ARID1B: variants seen among roughly 807,000 people sequenced by gnomAD.
ARID1B encodes the protein AT-rich interactive domain-containing protein 1B.
Under a neutral mutation model 212.3 loss-of-function variants are expected in ARID1B, and 30 were observed. The observed-to-expected ratio is 0.14, with a 90% CI of 0.11 to 0.19. The LOEUF (loss-of-function observed/expected upper bound fraction) is 0.19. Ranked by LOEUF, ARID1B falls within the 10% of genes least tolerant of loss-of-function variation. The probability of loss-of-function intolerance (pLI) is 1.00; values close to 1 mark genes in which losing one functional copy is unlikely to be tolerated. For synonymous variants in ARID1B, 1,402 were observed against 1,301.7 expected, an observed-to-expected ratio of 1.08 and a Z score of -1.66; for missense variants, 2,891 against 3,204.0, an observed-to-expected ratio of 0.90 and a Z score of 2.36.
intron 1 of ARID1B, among the ~76,000 whole-genome samples, chr6:156,795,313 C>T (rs184530592): frequency 1.1e-4 from 16 of 151,968 alleles, no homozygotes; most frequent in East Asian, 7.7e-4. Context: ...TCCATGAGTC[C>T]GAGGAAGTGG....
chr6:156,985,929 A>G (rs990545664), intron 4 of ARID1B, among the ~76,000 whole-genome samples: 1 of 152,238 alleles, frequency 6.6e-6, no homozygotes, highest in Non-Finnish European at 1.5e-5. Flanking sequence ...AAGCTGAAGC[A>G]GAACCTTTAC....
chr6:157,133,342 C>A, intron 7 of ARID1B, 135 bp downstream of exon 7: 1 of 988,968 alleles, frequency 1.0e-6, no homozygotes, highest in Non-Finnish European at 1.4e-6. Flanking sequence ...TTGTGAGGTT[C>A]ATACAAGCCC....
intron 1 of ARID1B, among the ~76,000 whole-genome samples, chr6:156,812,658 T>G (rs1168711029): frequency 6.6e-6 from 1 of 152,110 alleles, no homozygotes; most frequent in Non-Finnish European, 1.5e-5. Flanking sequence ...GTAATGTGTT[T>G]CCTCTTTCAT....
chr6:157,192,701 G>T (rs919941360), intron 15 of ARID1B, among the ~76,000 whole-genome samples: 5 of 152,106 alleles, frequency 3.3e-5, no homozygotes, highest in Non-Finnish European at 5.9e-5. Context: ...AATGATCCCC[G>T]GTGGCAAGTA....
chr6:157,172,512 C>T (rs1450077598), intron 9 of ARID1B, among the ~76,000 whole-genome samples: 1 of 152,172 alleles, frequency 6.6e-6, no homozygotes, highest in Non-Finnish European at 1.5e-5. Flanking sequence ...GAAAAACAAG[C>T]CAATGCGCCC....
At chr6:157,037,514 A>G (rs1320979212) in intron 4 of ARID1B, among the ~76,000 whole-genome samples, 1 of 152,166 alleles carries the variant, frequency 6.6e-6, no homozygotes, top group Admixed American at 6.5e-5. Context: ...GCAAGAAAGG[A>G]GGGCAGGAGA....
rs184665891 is a variant in ARID1B at position 157,038,898 on chromosome 6, T to G, written c.2248-45764T>G. 2.0e-5 allele frequency among the ~76,000 whole-genome samples: 3 copies of G among 152,036 alleles called. No individual in the cohort carries two copies. In the East Asian group the frequency reaches 5.8e-4, roughly 29 times the overall value. On this transcript the variant is annotated intron_variant, in intron 4 of 19. Coordinates refer to ENST00000636930, the MANE Select transcript of ARID1B (RefSeq NM_001374828.1). ...TGTGGCCAACCTAACAGGTTCCTTT[T>G]GTAGCCTTAACTTTTTTTTTTTTGA...
chr6:156,868,951 C>G (rs146653859), intron 2 of ARID1B, among the ~76,000 whole-genome samples: 1 of 151,856 alleles, frequency 6.6e-6, no homozygotes, highest in Non-Finnish European at 1.5e-5. Context: ...AGACCAAGTA[C>G]GAATAGGGTT....
intron 8 of ARID1B, among the ~76,000 whole-genome samples, chr6:157,159,545 A>T (rs1238859916): frequency 6.6e-6 from 1 of 152,232 alleles, no homozygotes; most frequent in African/African-American, 2.4e-5. Context: ...CCAGGAGCAG[A>T]GCTGGTAACA....
intron 8 of ARID1B, among the ~76,000 whole-genome samples, chr6:157,154,574 T>TTG (rs1554226944): frequency 6.9e-6 from 1 of 144,588 alleles, no homozygotes; most frequent in Non-Finnish European, 1.5e-5. Flanking sequence ...TTCTGTTTTT[T>TTG]TTTTTGTTTT....
chr6:156,914,214 G>A (rs536314238), intron 3 of ARID1B, among the ~76,000 whole-genome samples: 7 of 148,460 alleles, frequency 4.7e-5, no homozygotes, highest in Admixed American at 2.7e-4. Flanking sequence ...TTCCCAGCCC[G>A]TGGTGCCCCC....
At chr6:156,796,615 G>C (rs1780398618) in intron 1 of ARID1B, among the ~76,000 whole-genome samples, 1 of 152,200 alleles carries the variant, frequency 6.6e-6, no homozygotes, top group Non-Finnish European at 1.5e-5. Context: ...AAGCAGCTGA[G>C]AAAGCCCTAA....
chr6:157,180,542 GA>G (rs766452946), intron 11 of ARID1B, among the ~76,000 whole-genome samples: 38 of 152,140 alleles, frequency 2.5e-4, no homozygotes, highest in Non-Finnish European at 4.9e-4. Flanking sequence ...TTTTGACAAG[GA>G]AAAGTAGGAG....
At chr6:157,165,903 C>G (rs1334655365) in intron 8 of ARID1B, 1 of 152,102 alleles carries the variant, frequency 6.6e-6, no homozygotes, top group Non-Finnish European at 1.5e-5. Flanking sequence ...TAAAGGATCT[C>G]ATTTTAAAAT....
At chr6:156,869,065 G>A (rs1054947688) in intron 2 of ARID1B, among the ~76,000 whole-genome samples, 2 of 152,034 alleles carry the variant, frequency 1.3e-5, no homozygotes, top group African/African-American at 4.8e-5. Context: ...TGCCTCTAAA[G>A]CGTTAAATTT....
intron 11 of ARID1B, among the ~76,000 whole-genome samples, chr6:157,179,299 C>T (rs779924625): frequency 6.6e-6 from 1 of 152,112 alleles, no homozygotes; most frequent in African/African-American, 2.4e-5. Flanking sequence ...CCATTAATGA[C>T]GGCAGAGCTT....
chr6:156,893,060 T>TTTTTTTTTTTTTTTTTTG (rs1268821728), intron 2 of ARID1B, among the ~76,000 whole-genome samples: 12 of 137,696 alleles, frequency 8.7e-5, no homozygotes, highest in South Asian at 2.2e-4. Context: ...TTTTTTTTTT[T>TTTTTTTTTTTTTTTTTTG]GAGATGGAGT....
intron 4 of ARID1B, among the ~76,000 whole-genome samples, chr6:156,992,635 T>A (rs1340040899): frequency 6.6e-6 from 1 of 152,222 alleles, no homozygotes; most frequent in Non-Finnish European, 1.5e-5. Flanking sequence ...GCCTCCCATC[T>A]GTGGGGCCTG....
At chr6:157,091,108 G>C (rs181335880) in intron 5 of ARID1B, among the ~76,000 whole-genome samples, 47 of 152,274 alleles carry the variant, frequency 3.1e-4, no homozygotes, top group Admixed American at 1.8e-3. Context: ...AAATCGCTTG[G>C]TCAGAGCTCG....
Sources: allele counts gnomAD v4.1 joint callset (sites outside exome capture counted in the v4.1 genomes callset), GRCh38; gene constraint gnomAD v4.1.1; transcripts MANE v1.5; gene names NCBI Gene and HGNC (gene_info 2026-07-23, HGNC 2026-07-21).